The following MIEF2 variants were observed in gnomAD, a reference collection of about 807,000 sequenced individuals.
MIEF2 encodes mitochondrial elongation factor 2.
MIEF2 carries 1 observed loss-of-function variant against 7.4 expected under a neutral mutation model. That is an observed-to-expected ratio of 0.14 (90% confidence interval 0.05 to 0.64). MIEF2 has a LOEUF of 0.64. Ranked by LOEUF, MIEF2 falls within the 30% of genes least tolerant of loss-of-function variation. MIEF2 has a pLI of 0.85. For synonymous variants in MIEF2, 275 were observed against 290.5 expected, an observed-to-expected ratio of 0.95 and a Z score of 0.54; for missense variants, 569 against 623.9, an observed-to-expected ratio of 0.91 and a Z score of 0.94.
rs972104829 is a variant in MIEF2 at position 18,264,572 on chromosome 17, T to C, written c.1173T>C (p.Asp391=). Residue 391 remains aspartate (D), a synonymous_variant, in exon 4 of 4, where the codon GAT becomes GAC. Transcript: ENST00000323019. ...TGCGTCTGGGGGAGGACAACGTGGA[T>C]TGGACGGAGGAGGCCTTGGGTGAGC... ...VVLRLGEDNV[D]WTEEALGERF... 20 of 1,610,868 alleles carry C rather than the reference T, an allele frequency of 1.2e-5. No homozygotes were observed. The highest frequency in any genetic ancestry group is 1.7e-5 in the Non-Finnish European group (20 of 1,179,938).
chr17:18,264,169 T>C lies in MIEF2; in HGVS notation c.770T>C (p.Leu257Pro). The C allele has an allele frequency of 6.3e-7, 1 of 1,588,022 alleles. No homozygotes were observed. The highest frequency in any genetic ancestry group is 8.5e-7 in the Non-Finnish European group (1 of 1,171,914). ...CTCTCCTCCCGCGTCCTGCTGGAGC[T>C]ACTCCGCAAGGCGCTGGCTGCTTCT... ...GYLSSRVLLE[L>P]LRKALAASVN... Residue 257 changes from leucine to proline, a missense_variant, in exon 4 of 4, where the codon CTA becomes CCA. Coordinates refer to ENST00000323019, the MANE Select transcript of MIEF2 (RefSeq NM_139162.4).
chr17:18,261,198 T>A (rs140827956), intron 1 of MIEF2: 11 of 1,549,954 alleles, frequency 7.1e-6, no homozygotes, highest in Non-Finnish European at 9.6e-6. Context: ...GTTTGCAAAG[T>A]AGATTCCTGG....
At position 18,264,543 on chromosome 17, in the gene MIEF2, G is replaced by A; in HGVS notation, c.1144G>A (p.Val382Ile). 6.2e-7 allele frequency: 1 copy of A among 1,610,530 alleles called. No homozygotes were observed. The highest frequency in any genetic ancestry group is 8.5e-7 in the Non-Finnish European group (1 of 1,179,856). Residue 382 changes from valine to isoleucine, a missense_variant, in exon 4 of 4, where the codon GTC (valine) becomes ATC (isoleucine). By Grantham distance (29) the Val-to-Ile change is conservative. Coordinates refer to ENST00000323019, the MANE Select transcript of MIEF2 (RefSeq NM_139162.4). ...QLGRGHLTQVVLRLGEDNVDW... is the reference protein window; with the variant it reads ...QLGRGHLTQVILRLGEDNVDW... ...AGGCCGGGGTCACCTGACCCAGGTG[G>A]TCCTGCGTCTGGGGGAGGACAACGT...
Position 18,264,869 on chromosome 17 carries a change from C to T in MIEF2, c.*105C>T, listed in dbSNP as rs1404607795. 1.4e-6 allele frequency: 2 copies of T among 1,467,774 alleles called. No individual in the cohort carries two copies. Among genetic ancestry groups the T allele is most frequent in the Non-Finnish European group, 1.8e-6 (2 of 1,108,794 alleles). 90.9% of individuals were successfully genotyped at this position (1,467,774 alleles called of 1,614,324 possible). Reference sequence around the variant, plus strand: ...GTTTTTCTCTAGCTTTTTGCCAGAACAAAGGAGGGTACATTACTTAAACCC... The same window carrying T: ...GTTTTTCTCTAGCTTTTTGCCAGAATAAAGGAGGGTACATTACTTAAACCC... On this transcript the variant is annotated 3_prime_UTR_variant, in exon 4 of 4. Transcript: ENST00000323019.
In MIEF2 at chr17:18,261,261, T is replaced by G. The variant is rs2142900977; in HGVS notation, c.-8+524T>G. ...ATCCCCGAGTCACCGATGAGGAGAT[T>G]GAAACCGGCCCTGGGGCCGTGGCGG... On this transcript the variant is annotated intron_variant, in intron 1 of 3. Coordinates refer to ENST00000323019, the MANE Select transcript of MIEF2 (RefSeq NM_139162.4). 9 of 1,409,808 alleles carry G rather than the reference T, an allele frequency of 6.4e-6. No individual in the cohort carries two copies. The South Asian group carries it at 1.1e-4, about 17-fold the overall frequency. The allele number at this position is 1,409,808 out of a possible 1,614,324, so 87.3% of individuals were successfully genotyped here.
intron 1 of MIEF2, among the ~76,000 whole-genome samples, 163 bp downstream of exon 1, chr17:18,260,900 C>T (rs1012777602): frequency 2.0e-5 from 3 of 152,206 alleles, no homozygotes; most frequent in African/African-American, 7.2e-5. Context: ...GCCCAGCCCC[C>T]TTCCCCTCTC....
chr17:18,261,249 C>A, intron 1 of MIEF2: 2 of 1,464,152 alleles, frequency 1.4e-6, no homozygotes, highest in South Asian at 1.2e-5. Flanking sequence ...CCCGAGTCAC[C>A]GATGAGGAGA....
Position 18,264,224 on chromosome 17 carries a change from C to T in MIEF2, c.825C>T (p.Leu275=), listed in dbSNP as rs759605814. Residue 275 remains leucine, a synonymous_variant, in exon 4 of 4, where the codon CTC becomes CTT. Transcript: ENST00000323019. ...ACTGGCCGGCCATTGGCAGCCTTCTCGGGTGCCTGATCCGGCCCAGCATGG... is the reference window on the plus strand; with the variant it reads ...ACTGGCCGGCCATTGGCAGCCTTCTTGGGTGCCTGATCCGGCCCAGCATGG... The part of the protein sequence containing the change: ...SVNWPAIGSL[L]GCLIRPSMAS... 25 of 1,602,738 alleles carry T rather than the reference C, an allele frequency of 1.6e-5. No homozygotes were observed. The highest frequency in any genetic ancestry group is 3.3e-5 in the Admixed American group (2 of 59,966).
At position 18,265,414 on chromosome 17, in the gene MIEF2, G is replaced by C. The variant is rs1012380624; in HGVS notation, c.*650G>C. On this transcript the variant is annotated 3_prime_UTR_variant, in exon 4 of 4. Transcript: ENST00000323019. Reference sequence around the variant, plus strand: ...GCCCTTTTTCCCTCCAGCCAGGTGAGTGTTTTCTTCAGGCAGCTGAGGGTC... The same window carrying C: ...GCCCTTTTTCCCTCCAGCCAGGTGACTGTTTTCTTCAGGCAGCTGAGGGTC... The C allele has an allele frequency of 6.6e-6, 1 of 152,448 alleles. No individual in the cohort carries two copies. The highest frequency in any genetic ancestry group is 1.5e-5 in the Non-Finnish European group (1 of 68,226). The allele number at this position is 152,448 out of a possible 1,614,324, so 9.4% of individuals were successfully genotyped here.
chr17:18,261,184 TAC>T, intron 1 of MIEF2: 2 of 1,551,044 alleles, frequency 1.3e-6, no homozygotes, highest in East Asian at 4.9e-5. Context: ...TAAAGCGCTT[TAC>T]AGTTTGCAAA....
At position 18,262,983 on chromosome 17, in the gene MIEF2, A is replaced by G. The variant is rs1597937926; in HGVS notation, c.148-103A>G. On this transcript the variant is annotated intron_variant, in intron 2 of 3. Coordinates refer to ENST00000323019, the MANE Select transcript of MIEF2 (RefSeq NM_139162.4). ...CTGCCCAAGGCCTTCATGGGAGCCC[A>G]GGGCACCTGCTTCTCCACCCAGCAC... 6 of 1,548,560 alleles carry G rather than the reference A, an allele frequency of 3.9e-6. No individual in the cohort carries two copies. The East Asian group carries it at 1.4e-4, about 35-fold the overall frequency.
At position 18,264,851 on chromosome 17, in the gene MIEF2, TCTAG is replaced by T; in HGVS notation, c.*90_*93del. ...CCAGGGATTTGAATAGTGGTTTTTC[TCTAG>T]CTTTTTGCCAGAACAAAGGAGGGTA... On this transcript the variant is annotated 3_prime_UTR_variant, in exon 4 of 4. Transcript: ENST00000323019. 6.7e-7 allele frequency: 1 copy of T among 1,497,768 alleles called. No individual in the cohort carries two copies. The highest frequency in any genetic ancestry group is 1.3e-5 in the South Asian group (1 of 74,152). 92.8% of individuals were successfully genotyped at this position (1,497,768 alleles called of 1,614,324 possible).
At position 18,263,971 on chromosome 17, in the gene MIEF2, C is replaced by T. The variant is rs368849748; in HGVS notation, c.572C>T (p.Ala191Val). Residue 191 changes from alanine to valine, a missense_variant, in exon 4 of 4, where the codon GCG becomes GTG. Transcript: ENST00000323019. ...PLYDGLQAGA[A>V]DHVRLLVPLV... ...TACGACGGGCTGCAGGCGGGGGCTGCGGACCATGTGCGTCTCCTGGTGCCA... is the reference window on the plus strand; with the variant it reads ...TACGACGGGCTGCAGGCGGGGGCTGTGGACCATGTGCGTCTCCTGGTGCCA... 3.4e-5 allele frequency: 54 copies of T among 1,578,198 alleles called. No homozygotes were observed. Among genetic ancestry groups the T allele is most frequent in the Middle Eastern group, 1.7e-4 (1 of 5,964 alleles).
chr17:18,260,861 G>T (rs921432471), intron 1 of MIEF2, 124 bp downstream of exon 1: 10 of 517,522 alleles, frequency 1.9e-5, no homozygotes, highest in Non-Finnish European at 2.8e-5. Flanking sequence ...GGGGACCTTT[G>T]GGGGACCAAG....
intron 1 of MIEF2, chr17:18,261,214 C>T (rs1978396991): frequency 6.5e-7 from 1 of 1,543,936 alleles, no homozygotes; most frequent in Admixed American, 2.0e-5. Flanking sequence ...CCTGGTCTCT[C>T]TGGGGGCGGG....
In MIEF2 at chr17:18,264,542, G is replaced by T; in HGVS notation, c.1143G>T (p.Val381=). 6.2e-7 allele frequency: 1 copy of T among 1,610,484 alleles called. No individual in the cohort carries two copies. The highest frequency in any genetic ancestry group is 8.5e-7 in the Non-Finnish European group (1 of 1,179,840). ...GQLGRGHLTQ[V]VLRLGEDNVD... ...TAGGCCGGGGTCACCTGACCCAGGT[G>T]GTCCTGCGTCTGGGGGAGGACAACG... is the stretch of plus-strand genomic sequence containing the variant. Residue 381 remains valine (V), a synonymous_variant, in exon 4 of 4, where the codon GTG becomes GTT. Coordinates refer to ENST00000323019, the MANE Select transcript of MIEF2 (RefSeq NM_139162.4).
intron 1 of MIEF2, among the ~76,000 whole-genome samples, chr17:18,261,782 C>A (rs529414308): frequency 1.3e-4 from 20 of 152,212 alleles, no homozygotes; most frequent in Non-Finnish European, 1.8e-4. Context: ...GTTGCTTGGC[C>A]TTCCGGCAGT....
chr17:18,263,444 T>G (rs1285410605), intron 3 of MIEF2, 196 bp downstream of exon 3: 1 of 916,928 alleles, frequency 1.1e-6, no homozygotes, highest in East Asian at 2.6e-5. Context: ...TGGGGAGCTT[T>G]AGATGGGGAA....
chr17:18,263,689 C>T, intron 3 of MIEF2, 21 bp from the exon 4 acceptor site: 1 of 1,540,992 alleles, frequency 6.5e-7, no homozygotes, highest in Non-Finnish European at 8.7e-7. Flanking sequence ...CCGACATGTT[C>T]CCCGCCCCTT....
Sources: gnomAD v4.1 joint callset for allele counts (sites outside exome capture counted in the v4.1 genomes callset) on GRCh38, gnomAD v4.1.1 for gene constraint, MANE v1.5 for transcripts, NCBI Gene and HGNC (gene_info 2026-07-23, HGNC 2026-07-21) for gene names.